LINGO2: variants seen among roughly 807,000 people sequenced by gnomAD.
LINGO2 encodes the protein leucine-rich repeat and immunoglobulin-like domain-containing nogo receptor-interacting protein 2.
A neutral mutation model predicts 30.6 loss-of-function variants in LINGO2; 14 were observed. The observed-to-expected ratio is 0.46, with a 90% CI of 0.30 to 0.72. The LOEUF is 0.72. LINGO2 is among the 30% of genes least tolerant of loss of function. The pLI is 0.07. For synonymous variants in LINGO2, 317 were observed against 288.5 expected, an observed-to-expected ratio of 1.10 and a Z score of -1.00; for missense variants, 729 against 751.7, an observed-to-expected ratio of 0.97 and a Z score of 0.35.
intron 4 of LINGO2, among the ~76,000 whole-genome samples, chr9:28,103,590 A>C (rs1283767616): frequency 6.6e-6 from 1 of 152,172 alleles, no homozygotes; most frequent in Non-Finnish European, 1.5e-5. Flanking sequence ...TGCCACACTG[A>C]CCAGCAGCTT....
the LINGO2 span, among the ~76,000 whole-genome samples, chr9:28,903,717 A>C: frequency 2.0e-5 from 3 of 152,038 alleles, no homozygotes; most frequent in Non-Finnish European, 4.4e-5. Context: ...GGCTCAAGCT[A>C]TCCTCCTGCC....
chr9:28,735,129 A>G, the LINGO2 span, among the ~76,000 whole-genome samples: 1 of 152,038 alleles, frequency 6.6e-6, no homozygotes, highest in African/African-American at 2.4e-5. Context: ...ATTTTTCTGC[A>G]GTATTGTTTA....
chr9:28,011,103 A>G (rs1009017419), intron 5 of LINGO2, among the ~76,000 whole-genome samples: 3 of 152,204 alleles, frequency 2.0e-5, no homozygotes, highest in East Asian at 1.9e-4. Context: ...ACGTCAGTCA[A>G]CTGGTCTAGG....
intron 3 of LINGO2, among the ~76,000 whole-genome samples, chr9:28,317,664 A>C (rs1277192475): frequency 1.3e-5 from 2 of 152,188 alleles, no homozygotes; most frequent in African/African-American, 4.8e-5. Context: ...TACTTTCAAA[A>C]GACGTTCATT....
At chr9:28,595,021 A>C (rs937958754) in intron 1 of LINGO2, among the ~76,000 whole-genome samples, 4 of 152,110 alleles carry the variant, frequency 2.6e-5, no homozygotes, top group African/African-American at 9.6e-5. Context: ...TCATTACCTG[A>C]CAATCTGCTT....
At chr9:28,010,027 A>G (rs1822476798) in intron 5 of LINGO2, among the ~76,000 whole-genome samples, 1 of 152,222 alleles carries the variant, frequency 6.6e-6, no homozygotes, top group African/African-American at 2.4e-5. Flanking sequence ...CTATGCAAAG[A>G]AGTATCCTTT....
At chr9:28,143,085 CA>C (rs1827719698) in intron 4 of LINGO2, among the ~76,000 whole-genome samples, 1 of 152,198 alleles carries the variant, frequency 6.6e-6, no homozygotes, top group African/African-American at 2.4e-5. Flanking sequence ...TATTTGTCCA[CA>C]TCTTACCTGC....
the LINGO2 span, among the ~76,000 whole-genome samples, chr9:29,203,734 C>T: frequency 6.6e-6 from 1 of 152,144 alleles, no homozygotes; most frequent in Non-Finnish European, 1.5e-5. Context: ...CCACTTAATC[C>T]TCTTGCCTAT....
chr9:28,314,259 G>A (rs1268826454), intron 3 of LINGO2, among the ~76,000 whole-genome samples: 1 of 152,112 alleles, frequency 6.6e-6, no homozygotes, highest in African/African-American at 2.4e-5. Flanking sequence ...ATCTTTTTAA[G>A]TCCTATAACA....
the LINGO2 span, among the ~76,000 whole-genome samples, chr9:28,745,260 G>A: frequency 6.6e-6 from 1 of 152,028 alleles, no homozygotes; most frequent in South Asian, 2.1e-4. Flanking sequence ...TGTGTGGACA[G>A]AGGTTGTATT....
rs139009838 is a variant in LINGO2, at chr9:28,191,587, C to T, written c.-87+103621G>A. On this transcript the variant is annotated intron_variant, in intron 4 of 5. Coordinates refer to ENST00000379992, the Ensembl canonical transcript of LINGO2. ...AACCCCCTTTCTTCCATCTTCTTTG[C>T]TTCCTTCCTCTTTAAAAATATTTAA... 5.9e-3 allele frequency among the ~76,000 whole-genome samples: 904 copies of T among 152,148 alleles called. 17 individuals carry two copies. Among genetic ancestry groups the T allele is most frequent in the African/African-American group, 0.021 (852 of 41,508 alleles).
At chr9:28,775,782 A>G in the LINGO2 span, among the ~76,000 whole-genome samples, 4 of 152,322 alleles carry the variant, frequency 2.6e-5, no homozygotes, top group East Asian at 3.9e-4. Flanking sequence ...CCATTCTGAA[A>G]TATTATGATA....
the LINGO2 span, among the ~76,000 whole-genome samples, chr9:29,142,018 A>G: frequency 6.6e-6 from 1 of 151,892 alleles, no homozygotes; most frequent in Non-Finnish European, 1.5e-5. Context: ...AATCAGTGAG[A>G]AAACAGAATA....
intron 2 of LINGO2, among the ~76,000 whole-genome samples, chr9:28,396,900 G>A (rs1023697615): frequency 6.6e-6 from 1 of 151,916 alleles, no homozygotes; most frequent in African/African-American, 2.4e-5. Flanking sequence ...AATCAGAGAG[G>A]TTAAGAGTTC....
At chr9:29,132,408 C>T in the LINGO2 span, among the ~76,000 whole-genome samples, 1 of 152,124 alleles carries the variant, frequency 6.6e-6, no homozygotes, top group Non-Finnish European at 1.5e-5. Context: ...TGCAACCAAT[C>T]AGACATTTGC....
the LINGO2 span, among the ~76,000 whole-genome samples, chr9:29,018,841 A>G: frequency 0.46 from 69,656 of 152,038 alleles, 16,610 homozygotes; most frequent in Middle Eastern, 0.53. Context: ...TTCTTAAATC[A>G]TCTTTCTAGT....
intron 4 of LINGO2, among the ~76,000 whole-genome samples, chr9:28,032,366 C>T (rs924479937): frequency 6.6e-6 from 1 of 152,198 alleles, no homozygotes; most frequent in African/African-American, 2.4e-5. Flanking sequence ...TATAGGAATG[C>T]TGATCACAGA....
chr9:28,002,620 A>C (rs1822018307), intron 5 of LINGO2, among the ~76,000 whole-genome samples: 1 of 152,160 alleles, frequency 6.6e-6, no homozygotes, highest in Admixed American at 6.5e-5. Flanking sequence ...GTTGCTACTT[A>C]GTCTGTTTGA....
At chr9:29,207,961 C>A in the LINGO2 span, among the ~76,000 whole-genome samples, 1 of 151,940 alleles carries the variant, frequency 6.6e-6, no homozygotes, top group Non-Finnish European at 1.5e-5. Context: ...TCCTAATTCA[C>A]ATAATGAAAA....
Sources: gnomAD v4.1 joint callset for allele counts (sites outside exome capture counted in the v4.1 genomes callset) on GRCh38, gnomAD v4.1.1 for gene constraint, MANE v1.5 for transcripts, NCBI Gene and HGNC (gene_info 2026-07-23, HGNC 2026-07-21) for gene names.